The following ATR variants were observed in gnomAD, a reference collection of about 807,000 sequenced individuals.
ATR encodes serine/threonine-protein kinase ATR.
In ATR, 142 loss-of-function variants were observed where a neutral mutation model predicts 305.3. The observed-to-expected ratio is 0.47, with a 90% CI of 0.41 to 0.53. ATR has a LOEUF of 0.53. Among genes scored for constraint, ATR ranks in the 20% least tolerant of loss-of-function variants. The pLI, the probability that ATR is intolerant of heterozygous loss-of-function variation, is 0.00. For missense variants in ATR, 2,135 were observed against 3,133.1 expected (o/e 0.68, Z 7.60); for synonymous variants, 1,050 against 1,068.1 (o/e 0.98, Z 0.33).
rs545218658 is a variant in ATR, at chr3:142,485,223, A to G, written c.6138T>C (p.Tyr2046=). 26 of 1,614,188 alleles carry G rather than the reference A, an allele frequency of 1.6e-5. No homozygotes were observed. Among genetic ancestry groups the G allele is most frequent in the East Asian group, 1.3e-4 (6 of 44,886 alleles). ...CTGTGACCATGGGCATCAATTTGTC[A>G]TAGTACTTGGCAAGGTAAAAATGCC... The part of the protein sequence containing the change: ...EDGHFYLAKY[Y]DKLMPMVTDN... The change falls in exon 36 of 47, where the codon TAT becomes TAC. Residue 2046 remains tyrosine (Y), a synonymous_variant. Coordinates refer to ENST00000350721, the MANE Select transcript of ATR (RefSeq NM_001184.4).
intron 46 of ATR, chr3:142,450,991 A>G: frequency 4.9e-6 from 6 of 1,230,192 alleles, no homozygotes; most frequent in Non-Finnish European, 6.2e-6. Context: ...CAGAACAACA[A>G]GCTGTGAACT....
chr3:142,465,377 A>C lies in ATR; in HGVS notation c.6898-137T>G, dbSNP rs965502546. The C allele has an allele frequency of 3.3e-5, 21 of 645,356 alleles. No homozygotes were observed. In the East Asian group the frequency reaches 6.4e-4, roughly 20 times the overall value. The allele number at this position is 645,356 out of a possible 1,614,324, so 40.0% of individuals were successfully genotyped here. On this transcript the variant is annotated intron_variant, in intron 40 of 46. Coordinates refer to ENST00000350721, the MANE Select transcript of ATR (RefSeq NM_001184.4). ...TTATGTAGTGAATTTGTATTTTAAA[A>C]ATCTTTTATTTTAATTATCTATGAC...
chr3:142,578,026 T>A (rs1272812818), intron 1 of ATR, among the ~76,000 whole-genome samples: 1 of 151,828 alleles, frequency 6.6e-6, no homozygotes, highest in South Asian at 2.1e-4. Context: ...GACCCAGGGG[T>A]CTATCTCTCC....
chr3:142,527,479 A>T (rs2033444704), intron 21 of ATR, among the ~76,000 whole-genome samples: 1 of 152,188 alleles, frequency 6.6e-6, no homozygotes, highest in Non-Finnish European at 1.5e-5. Flanking sequence ...CATGTTTACA[A>T]ATTTATTTGT....
chr3:142,480,025 G>C (rs1277315670), intron 36 of ATR, among the ~76,000 whole-genome samples: 4 of 152,056 alleles, frequency 2.6e-5, no homozygotes, highest in Non-Finnish European at 5.9e-5. Flanking sequence ...CTTTGCCATG[G>C]GTTCCAACTT....
At chr3:142,518,542 ATTC>A (rs2033007964) in intron 24 of ATR, among the ~76,000 whole-genome samples, 1 of 152,086 alleles carries the variant, frequency 6.6e-6, no homozygotes, top group African/African-American at 2.4e-5. Flanking sequence ...AACAGTAATA[ATTC>A]TTCTTTAATA....
At chr3:142,528,875 A>AT (rs1390798686) in intron 21 of ATR, among the ~76,000 whole-genome samples, 216 of 46,566 alleles carry the variant, frequency 4.6e-3, no homozygotes, top group Admixed American at 8.5e-3. Flanking sequence ...ATATATATAT[A>AT]TATATTTTTT....
intron 1 of ATR, among the ~76,000 whole-genome samples, chr3:142,575,957 C>T (rs941267508): frequency 2.6e-5 from 4 of 152,298 alleles, no homozygotes; most frequent in Middle Eastern, 3.4e-3. Context: ...TGTCAAAGGA[C>T]GGTTTTGTGC....
intron 5 of ATR, 101 bp downstream of exon 5, chr3:142,561,142 C>G (rs1044091247): frequency 1.5e-6 from 2 of 1,304,838 alleles, no homozygotes; most frequent in Non-Finnish European, 2.2e-6. Context: ...GAAAGATGTT[C>G]TTTGTGTATT....
rs761194375 is a variant in ATR at position 142,578,627 on chromosome 3, A to C, written c.59+19T>G. 7 of 1,609,496 alleles carry C rather than the reference A, an allele frequency of 4.3e-6. No homozygotes were observed. Among genetic ancestry groups the C allele is most frequent in the Non-Finnish European group, 5.9e-6 (7 of 1,178,126 alleles). The stretch of plus-strand genomic sequence containing the variant: ...ATCAGCGGAGGAGGATGCAGGACCC[A>C]GGCTGGGCCTAGCCCTACCTGCCCA... On this transcript the variant is annotated intron_variant, in intron 1 of 46. Coordinates refer to ENST00000350721, the MANE Select transcript of ATR (RefSeq NM_001184.4).
intron 36 of ATR, among the ~76,000 whole-genome samples, chr3:142,475,277 T>C (rs2071407119): frequency 6.6e-6 from 1 of 151,856 alleles, no homozygotes; most frequent in African/African-American, 2.4e-5. Context: ...GGCCCCAGTG[T>C]GTGATGTTCC....
At chr3:142,457,452 A>G (rs1009212695) in intron 45 of ATR, 152 bp downstream of exon 45, 2 of 907,222 alleles carry the variant, frequency 2.2e-6, no homozygotes, top group African/African-American at 3.4e-5. Context: ...GGGTGAATTT[A>G]TGGTATATAA....
intron 1 of ATR, among the ~76,000 whole-genome samples, chr3:142,571,630 G>T (rs1293218244): frequency 2.0e-5 from 3 of 152,054 alleles, no homozygotes; most frequent in Non-Finnish European, 4.4e-5. Flanking sequence ...ACAACTTAGG[G>T]TGTAGTAAGA....
chr3:142,497,265 C>G (rs1238854909), intron 32 of ATR, 73 bp from the exon 33 acceptor site: 3 of 1,460,906 alleles, frequency 2.1e-6, no homozygotes. Context: ...AAAGCAAGTA[C>G]TTTAAATCAG....
At chr3:142,525,685 TTCTC>T (rs1378793486) in intron 21 of ATR, among the ~76,000 whole-genome samples, 2 of 152,146 alleles carry the variant, frequency 1.3e-5, no homozygotes, top group Non-Finnish European at 2.9e-5. Flanking sequence ...AGTGAGTTCT[TTCTC>T]TATTAGTTCA....
chr3:142,453,733 C>T (rs1442081239), intron 45 of ATR, among the ~76,000 whole-genome samples: 1 of 152,172 alleles, frequency 6.6e-6, no homozygotes, highest in East Asian at 1.9e-4. Flanking sequence ...AACTATTTCT[C>T]CTGTATTCCC....
chr3:142,512,991 C>T (rs2032654642), intron 26 of ATR, among the ~76,000 whole-genome samples: 1 of 151,722 alleles, frequency 6.6e-6, no homozygotes, highest in Admixed American at 6.6e-5. Flanking sequence ...TTAAAATATT[C>T]TAGATTATTC....
rs73864545 is a variant in ATR at position 142,496,279 on chromosome 3, T to A, written c.5898+82A>T. 0.64 allele frequency: 17,605 copies of A among 27,470 alleles called. 4,328 individuals are homozygous for A. Among genetic ancestry groups the A allele is most frequent in the African/African-American group, 0.66 (2,396 of 3,606 alleles). 1.7% of individuals were successfully genotyped at this position (27,470 alleles called of 1,614,324 possible). ...TTTAAGGAAGTACATAATTCCCGAC[T>A]ATATATATATATATATATATATATA... On this transcript the variant is annotated intron_variant, in intron 34 of 46. Transcript: ENST00000350721.
chr3:142,504,088 T>C (rs886121636), intron 29 of ATR, among the ~76,000 whole-genome samples: 23 of 152,262 alleles, frequency 1.5e-4, no homozygotes, highest in African/African-American at 4.3e-4. Context: ...GAGAAACATG[T>C]CAAATATGAC....
Sources: gnomAD v4.1 joint callset for allele counts (sites outside exome capture counted in the v4.1 genomes callset) on GRCh38, gnomAD v4.1.1 for gene constraint, MANE v1.5 for transcripts, NCBI Gene and HGNC (gene_info 2026-07-23, HGNC 2026-07-21) for gene names.